The following DHX37 variants were observed in gnomAD, a reference collection of about 807,000 sequenced individuals.
DHX37 encodes DEAH-box helicase 37.
Under a neutral mutation model 134.3 loss-of-function variants are expected in DHX37, and 52 were observed. The observed-to-expected ratio is 0.39, with a 90% CI of 0.31 to 0.49. The LOEUF (loss-of-function observed/expected upper bound fraction) is 0.49. Among genes scored for constraint, DHX37 ranks in the 20% least tolerant of loss-of-function variants. The probability of loss-of-function intolerance (pLI) is 0.93; values close to 1 mark genes in which losing one functional copy is unlikely to be tolerated. For synonymous variants in DHX37, 634 were observed against 670.7 expected (o/e 0.95, Z 0.85); for missense variants, 1,344 against 1,580.8 (o/e 0.85, Z 2.54).
Position 124,957,067 on chromosome 12 carries a change from G to A in DHX37, c.2226C>T (p.Ile742=), listed in dbSNP as rs751873860. The A allele has an allele frequency of 2.0e-5, 30 of 1,503,886 alleles. No individual in the cohort carries two copies. The East Asian group carries it at 4.4e-4, about 22-fold the overall frequency. The allele number at this position is 1,503,886 out of a possible 1,614,324, so 93.2% of individuals were successfully genotyped here. Residue 742 remains isoleucine (I), a synonymous_variant, in exon 17 of 27, where the codon ATC becomes ATT. Coordinates refer to ENST00000308736, the MANE Select transcript of DHX37 (RefSeq NM_032656.4). ...EALLAAEELL[I]ALGALQPPQK... Reference sequence around the variant, plus strand: ...GGGGCGGTTGCAGGGCACCCAGTGCGATCAACAGCTCCTCGGCGGCAAGAA... The same window carrying A: ...GGGGCGGTTGCAGGGCACCCAGTGCAATCAACAGCTCCTCGGCGGCAAGAA...
intron 6 of DHX37, among the ~76,000 whole-genome samples, chr12:124,975,075 C>A (rs1206974516): frequency 6.6e-6 from 1 of 152,204 alleles, no homozygotes; most frequent in African/African-American, 2.4e-5. Flanking sequence ...CACACCCGGC[C>A]AAGATTTTGT....
chr12:124,987,595 C>T (rs936090542), intron 1 of DHX37, among the ~76,000 whole-genome samples: 1 of 152,190 alleles, frequency 6.6e-6, no homozygotes, highest in African/African-American at 2.4e-5. Flanking sequence ...TGTCACCTGT[C>T]CTGGGACACA....
chr12:124,950,108 C>T (rs370135646), intron 24 of DHX37, 41 bp downstream of exon 24: 183 of 1,613,656 alleles, frequency 1.1e-4, no homozygotes, highest in Non-Finnish European at 1.3e-4. Context: ...CTGCTGCCCA[C>T]GGTACCCGAG....
Position 124,966,781 on chromosome 12 carries a change from C to T in DHX37, c.1590+12G>A, listed in dbSNP as rs201641734. The T allele has an allele frequency of 2.4e-5, 39 of 1,613,898 alleles. 1 individual carries two copies. Among genetic ancestry groups the T allele is most frequent in the Middle Eastern group, 3.3e-4 (2 of 6,082 alleles). ...CTTACTCTCCAGGAGTCCCTGCCAG[C>T]CCCCCACGTACCTCAGCCCGCGCCT... is the stretch of plus-strand genomic sequence containing the variant. On this transcript the variant is annotated intron_variant, in intron 12 of 26. Coordinates refer to ENST00000308736, the MANE Select transcript of DHX37 (RefSeq NM_032656.4).
chr12:124,953,893 C>T lies in DHX37; in HGVS notation c.2682G>A (p.Gln894=), dbSNP rs567357114. 18 of 1,611,456 alleles carry T rather than the reference C, an allele frequency of 1.1e-5. No homozygotes were observed. The South Asian group carries it at 1.9e-4, about 17-fold the overall frequency. Residue 894 remains glutamine, a synonymous_variant, in exon 20 of 27, where the codon CAG becomes CAA. Transcript: ENST00000308736. ...AMMEIRRLRG[Q]LTTAVNAVCP... ...ACGGGGCCGTACCTGCGGTGGTCAGCTGGCCCCGCAGGCGCCGGATCTCCA... is the reference window on the plus strand; with the variant it reads ...ACGGGGCCGTACCTGCGGTGGTCAGTTGGCCCCGCAGGCGCCGGATCTCCA...
intron 10 of DHX37, among the ~76,000 whole-genome samples, chr12:124,968,014 G>C (rs1470170774): frequency 6.6e-6 from 1 of 152,068 alleles, no homozygotes; most frequent in African/African-American, 2.4e-5. Context: ...CCGGGAGGTG[G>C]AGGTTGCAGT....
At chr12:124,961,256 G>A (rs10616553) in intron 15 of DHX37, among the ~76,000 whole-genome samples, 12 of 90,196 alleles carry the variant, frequency 1.3e-4, no homozygotes, top group South Asian at 7.5e-4. Context: ...GTGCACGCAC[G>A]CACACACATA....
intron 10 of DHX37, among the ~76,000 whole-genome samples, chr12:124,967,898 A>G (rs1176657972): frequency 6.6e-6 from 1 of 151,874 alleles, no homozygotes; most frequent in East Asian, 1.9e-4. Context: ...ATGAAACCCC[A>G]TCTCTACTAA....
In DHX37 at chr12:124,980,974, T is replaced by C; in HGVS notation, c.390-136A>G. 1.1e-6 allele frequency: 1 copy of C among 935,386 alleles called. No homozygotes were observed. Among genetic ancestry groups the C allele is most frequent in the Non-Finnish European group, 1.6e-6 (1 of 640,070 alleles). The allele number at this position is 935,386 out of a possible 1,614,324, so 57.9% of individuals were successfully genotyped here. On this transcript the variant is annotated intron_variant, in intron 3 of 26. Transcript: ENST00000308736. The surrounding 1 kb of genome is among the most constrained non-coding windows in gnomAD (Gnocchi z 5.3). ...CTCCCTGAAATGCCCTTCCTGCAGA[T>C]ACCTCCTCTCACTCCACTTAAGCCT... is the stretch of plus-strand genomic sequence containing the variant.
At chr12:124,985,965 T>G (rs1954863666) in intron 2 of DHX37, 131 bp downstream of exon 2, 7 of 1,108,198 alleles carry the variant, frequency 6.3e-6, no homozygotes, top group Admixed American at 2.4e-5. Context: ...CACTGGACCA[T>G]GCACTGGAAT....
intron 12 of DHX37, among the ~76,000 whole-genome samples, chr12:124,966,125 C>T (rs73229569): frequency 0.095 from 14,437 of 152,270 alleles, 711 homozygotes; most frequent in South Asian, 0.11. Flanking sequence ...GCTACCGTCA[C>T]GGAGCACAAG....
intron 15 of DHX37, among the ~76,000 whole-genome samples, chr12:124,960,848 G>A (rs1461542932): frequency 2.0e-5 from 3 of 152,208 alleles, no homozygotes; most frequent in Non-Finnish European, 2.9e-5. Context: ...CCAGCTACTC[G>A]GGAGGCTGAG....
In DHX37 at chr12:124,960,332, T is replaced by C; in HGVS notation, c.2137A>G (p.Lys713Glu). 1 of 1,613,914 alleles carries C rather than the reference T, an allele frequency of 6.2e-7. No individual in the cohort carries two copies. Among genetic ancestry groups the C allele is most frequent in the Non-Finnish European group, 8.5e-7 (1 of 1,179,842 alleles). Residue 713 changes from lysine (K) to glutamate (E), a missense_variant, in exon 16 of 27, where the codon AAG becomes GAG. Lys to Glu is a moderately conservative substitution (Grantham distance 56). Around this residue, in one of 7 missense-constraint regions of DHX37, gnomAD observed 558 missense variants for 650.0 expected, o/e 0.86. Transcript: ENST00000308736. ...CTGACCTTTTCAACGTTGAGCGCCT[T>C]CATTTGAAGGATTAAGTCTTCAACA... ...RPVEDLILQM[K>E]ALNVEKVINF... is the part of the protein sequence containing the mutation.
intron 2 of DHX37, among the ~76,000 whole-genome samples, chr12:124,983,236 A>G (rs910360332): frequency 2.6e-5 from 4 of 151,960 alleles, no homozygotes; most frequent in African/African-American, 4.8e-5. Context: ...AGCCTCTCCA[A>G]GTAGCTGGGA....
At position 124,968,563 on chromosome 12, in the gene DHX37, AC is replaced by A; in HGVS notation, c.1378del (p.Val460SerfsTer17). The part of the protein sequence containing the change: ...EDYSGECFRK[V>X]CKIHRMLPAG... ...GGGCAGCATCCGGTGGATCTTGCAG[AC>A]CTTCCGGAAGCACTCGCCACTGTAG... On this transcript the variant is annotated frameshift_variant, in exon 10 of 27. Coordinates refer to ENST00000308736, the MANE Select transcript of DHX37 (RefSeq NM_032656.4). LOFTEE classifies it high-confidence loss of function. 6.2e-7 allele frequency: 1 copy of A among 1,613,854 alleles called. No individual in the cohort carries two copies. Among genetic ancestry groups the A allele is most frequent in the Non-Finnish European group, 8.5e-7 (1 of 1,180,044 alleles).
chr12:124,948,365 C>A, intron 25 of DHX37, 184 bp from the exon 26 acceptor site: 1 of 1,118,628 alleles, frequency 8.9e-7, no homozygotes, highest in African/African-American at 1.6e-5. Context: ...TAGGAGGATC[C>A]CTTGAGCCTG....
At chr12:124,962,664 A>AAAAC (rs200662820) in intron 15 of DHX37, among the ~76,000 whole-genome samples, 16 of 151,832 alleles carry the variant, frequency 1.1e-4, no homozygotes, top group African/African-American at 1.9e-4. Flanking sequence ...TCTCAAAAAC[A>AAAAC]AAACAAACAA....
chr12:124,988,865 A>C, intron 1 of DHX37, 52 bp downstream of exon 1: 1 of 1,200,410 alleles, frequency 8.3e-7, no homozygotes. Context: ...GGCAGGGCAC[A>C]GGCCGCCCTG....
At chr12:124,983,854 G>A (rs955958396) in intron 2 of DHX37, among the ~76,000 whole-genome samples, 3 of 151,576 alleles carry the variant, frequency 2.0e-5, no homozygotes, top group Non-Finnish European at 4.4e-5. Context: ...TCTGGGGACT[G>A]CCCATCCACG....
Sources: gnomAD v4.1 joint callset for allele counts (sites outside exome capture counted in the v4.1 genomes callset) on GRCh38, gnomAD v4.1.1 for gene constraint, gnomAD v4.1.1 regional missense constraint, Gnocchi (gnomAD v3.1) non-coding constraint, MANE v1.5 for transcripts, NCBI Gene and HGNC (gene_info 2026-07-23, HGNC 2026-07-21) for gene names.